Variants in ARHGAP15 observed in about 807,000 individuals in gnomAD.
ARHGAP15 encodes the protein Rho GTPase activating protein 15.
Under a neutral mutation model 63.7 loss-of-function variants are expected in ARHGAP15, and 51 were observed. The observed-to-expected ratio is 0.80, with a 90% CI of 0.64 to 1.01. The LOEUF (loss-of-function observed/expected upper bound fraction) is 1.01, where lower values mean the gene tolerates loss of function less well. Among genes scored for constraint, ARHGAP15 ranks in the 50% least tolerant of loss-of-function variants. The pLI, the probability that ARHGAP15 is intolerant of heterozygous loss-of-function variation, is 0.00. For synonymous variants in ARHGAP15, 191 were observed against 193.8 expected, an observed-to-expected ratio of 0.99 and a Z score of 0.12; for missense variants, 560 against 564.6, an observed-to-expected ratio of 0.99 and a Z score of 0.08.
chr2:143,394,408 A>G (rs1160452923), intron 6 of ARHGAP15, among the ~76,000 whole-genome samples: 1 of 152,194 alleles, frequency 6.6e-6, no homozygotes, highest in Non-Finnish European at 1.5e-5. Context: ...AAGACTAATG[A>G]GACCATGGCA....
intron 13 of ARHGAP15, among the ~76,000 whole-genome samples, chr2:143,707,547 T>A (rs561058885): frequency 1.4e-4 from 22 of 152,218 alleles, no homozygotes; most frequent in Non-Finnish European, 2.8e-4. Context: ...CTGGTTGGGA[T>A]GGACAGCTAA....
intron 9 of ARHGAP15, among the ~76,000 whole-genome samples, chr2:143,498,486 G>C (rs1354842937): frequency 6.6e-6 from 1 of 152,212 alleles, no homozygotes; most frequent in East Asian, 1.9e-4. Context: ...CTGTAAGTGT[G>C]TTTTATCAAA....
At chr2:143,566,562 G>A (rs1391177481) in intron 11 of ARHGAP15, among the ~76,000 whole-genome samples, 1 of 152,088 alleles carries the variant, frequency 6.6e-6, no homozygotes, top group Non-Finnish European at 1.5e-5. Flanking sequence ...GGCATCCCAG[G>A]TCTGCTCCCT....
rs577622403 is a variant in ARHGAP15, at chr2:143,398,378, T to G, written c.475-37223T>G. 5.3e-5 allele frequency among the ~76,000 whole-genome samples: 8 copies of G among 152,268 alleles called. No homozygotes were observed. The South Asian group carries it at 1.7e-3, about 32-fold the overall frequency. ...AGCTTTTGTAGTTGCTAACTCCGCT[T>G]GTTGTAAATGCAAACCTGTATTTCC... On this transcript the variant is annotated intron_variant, in intron 6 of 13. Transcript: ENST00000295095.
intron 1 of ARHGAP15, among the ~76,000 whole-genome samples, chr2:143,132,780 A>G (rs1398977929): frequency 6.6e-6 from 1 of 152,238 alleles, no homozygotes; most frequent in Non-Finnish European, 1.5e-5. Flanking sequence ...CACATTTTAA[A>G]CAGTCATTAT....
chr2:143,510,193 T>C (rs1379198579), intron 9 of ARHGAP15, among the ~76,000 whole-genome samples: 1 of 152,178 alleles, frequency 6.6e-6, no homozygotes, highest in Non-Finnish European at 1.5e-5. Context: ...AATACGATTT[T>C]GTCTTCCAAT....
At chr2:143,215,710 A>G (rs909106380) in intron 3 of ARHGAP15, among the ~76,000 whole-genome samples, 4 of 152,172 alleles carry the variant, frequency 2.6e-5, no homozygotes, top group African/African-American at 9.7e-5. Context: ...TGCATTGTGC[A>G]TTTATTTTGC....
At chr2:143,476,942 T>G (rs1691845529) in intron 8 of ARHGAP15, among the ~76,000 whole-genome samples, 2 of 152,188 alleles carry the variant, frequency 1.3e-5, no homozygotes, top group Non-Finnish European at 2.9e-5. Context: ...TGAAAGAAAT[T>G]GCTTTTGCTA....
chr2:143,458,447 G>A (rs924694081), intron 8 of ARHGAP15, among the ~76,000 whole-genome samples: 4 of 152,164 alleles, frequency 2.6e-5, no homozygotes, highest in Non-Finnish European at 4.4e-5. Context: ...CAGTTACTGA[G>A]ACCTGCGCAA....
At chr2:143,184,286 G>A (rs147280818) in intron 2 of ARHGAP15, among the ~76,000 whole-genome samples, 4 of 152,304 alleles carry the variant, frequency 2.6e-5, no homozygotes, top group Admixed American at 6.5e-5. Context: ...GTGCTGCATA[G>A]TCAAGAAAGG....
chr2:143,518,537 C>T (rs1310342120), intron 9 of ARHGAP15, among the ~76,000 whole-genome samples: 1 of 152,214 alleles, frequency 6.6e-6, no homozygotes, highest in Non-Finnish European at 1.5e-5. Flanking sequence ...AAAATAAATG[C>T]ATGTTAAACC....
chr2:143,380,367 A>G (rs1687010262), intron 6 of ARHGAP15, among the ~76,000 whole-genome samples: 1 of 152,104 alleles, frequency 6.6e-6, no homozygotes, highest in Admixed American at 6.6e-5. Context: ...TGTTTTGTTC[A>G]ATCCTCACGT....
intron 8 of ARHGAP15, among the ~76,000 whole-genome samples, chr2:143,440,848 G>A (rs1393623940): frequency 6.6e-6 from 1 of 152,204 alleles, no homozygotes; most frequent in East Asian, 1.9e-4. Flanking sequence ...GGAAAGTGGA[G>A]AGTCAATCAA....
chr2:143,526,092 A>G (rs1263975297), intron 10 of ARHGAP15, among the ~76,000 whole-genome samples: 4 of 152,194 alleles, frequency 2.6e-5, no homozygotes, highest in African/African-American at 9.7e-5. Flanking sequence ...TTGAATGTTC[A>G]CAAACTCTGT....
At chr2:143,258,711 A>G (rs538736178) in intron 6 of ARHGAP15, among the ~76,000 whole-genome samples, 1 of 152,156 alleles carries the variant, frequency 6.6e-6, no homozygotes, top group Non-Finnish European at 1.5e-5. Context: ...AAGCTGTTTG[A>G]ACTCTTTTCA....
At chr2:143,603,223 G>A (rs1697847199) in intron 11 of ARHGAP15, among the ~76,000 whole-genome samples, 1 of 152,158 alleles carries the variant, frequency 6.6e-6, no homozygotes. Context: ...TTATGTTCAG[G>A]CACAGCCAGG....
chr2:143,640,755 CTGTT>C (rs764582302), intron 12 of ARHGAP15: 2 of 152,092 alleles, frequency 1.3e-5, no homozygotes, highest in Non-Finnish European at 2.9e-5. Flanking sequence ...ATAAACATGA[CTGTT>C]TGCATGATTC....
intron 12 of ARHGAP15, among the ~76,000 whole-genome samples, chr2:143,637,808 A>C (rs1303392576): frequency 6.6e-6 from 1 of 152,164 alleles, no homozygotes; most frequent in Non-Finnish European, 1.5e-5. Context: ...CTACATGAAA[A>C]AAACAAACAA....
intron 2 of ARHGAP15, among the ~76,000 whole-genome samples, chr2:143,200,634 G>A (rs1204363030): frequency 6.6e-6 from 1 of 151,032 alleles, no homozygotes; most frequent in Non-Finnish European, 1.5e-5. Flanking sequence ...AATATTAATG[G>A]GAGTTTCTGT....
Sources: allele counts gnomAD v4.1 joint callset (sites outside exome capture counted in the v4.1 genomes callset), GRCh38; gene constraint gnomAD v4.1.1; transcripts MANE v1.5; gene names NCBI Gene and HGNC (gene_info 2026-07-23, HGNC 2026-07-21).